Variants in SMYD3 observed in about 807,000 individuals in gnomAD.
The protein encoded by SMYD3 is SET and MYND domain containing 3.
Under a neutral mutation model 57.7 loss-of-function variants are expected in SMYD3, and 36 were observed. The ratio of observed to expected loss-of-function variants is 0.62; its 90% CI spans 0.48 to 0.82. The LOEUF (loss-of-function observed/expected upper bound fraction) is 0.82, where lower values mean the gene tolerates loss of function less well. Among genes scored for constraint, SMYD3 ranks in the 40% least tolerant of loss-of-function variants. The pLI, the probability that SMYD3 is intolerant of heterozygous loss-of-function variation, is 0.00. For missense variants in SMYD3, 515 were observed against 538.8 expected (o/e 0.96, Z 0.44); for synonymous variants, 211 against 195.0 (o/e 1.08, Z -0.68).
At chr1:246,190,277 T>A (rs2062711829) in intron 5 of SMYD3, among the ~76,000 whole-genome samples, 1 of 151,490 alleles carries the variant, frequency 6.6e-6, no homozygotes, top group Non-Finnish European at 1.5e-5. Flanking sequence ...TACTTAAGAG[T>A]TTTATTTCAG....
At chr1:245,935,272 G>A (rs1304875834) in intron 5 of SMYD3, among the ~76,000 whole-genome samples, 1 of 152,130 alleles carries the variant, frequency 6.6e-6, no homozygotes, top group East Asian at 1.9e-4. Flanking sequence ...CTCAAAAGAA[G>A]ACATATAAAT....
At chr1:246,153,979 C>T (rs2061982577) in intron 5 of SMYD3, among the ~76,000 whole-genome samples, 1 of 152,174 alleles carries the variant, frequency 6.6e-6, no homozygotes. Context: ...GTTCTAATGA[C>T]CTCTTAAATG....
intron 5 of SMYD3, among the ~76,000 whole-genome samples, chr1:246,107,251 C>T (rs1399122143): frequency 6.6e-6 from 1 of 151,204 alleles, no homozygotes; most frequent in Non-Finnish European, 1.5e-5. Context: ...TGCGCCACTG[C>T]ACTCCAGCCT....
chr1:246,105,914 G>A lies in SMYD3; in HGVS notation c.532-175977C>T, dbSNP rs188721407. Among the ~76,000 whole-genome samples the A allele has an allele frequency of 3.2e-4, 48 of 152,252 alleles. No homozygotes were observed. The East Asian group carries it at 9.1e-3, about 29-fold the overall frequency. On this transcript the variant is annotated intron_variant, in intron 5 of 11. Coordinates refer to ENST00000490107, the MANE Select transcript of SMYD3 (RefSeq NM_001167740.2). ...AAACTTGTTTGGCTGCCTCCTTATC[G>A]AAACTTTACAAAACTTTAATTTCAG...
chr1:246,134,805 C>G (rs113488424), intron 5 of SMYD3, among the ~76,000 whole-genome samples: 8,175 of 108,536 alleles, frequency 0.075, 266 homozygotes, highest in Non-Finnish European at 0.12. Flanking sequence ...TCTTCCCCCC[C>G]CTGCCGCTTT....
chr1:246,156,481 A>G (rs2062024725), intron 5 of SMYD3, among the ~76,000 whole-genome samples: 1 of 152,214 alleles, frequency 6.6e-6, no homozygotes, highest in Admixed American at 6.5e-5. Context: ...TCCCCATAAA[A>G]ATAAGTTCTA....
At chr1:246,283,737 T>C (rs781153865) in intron 5 of SMYD3, among the ~76,000 whole-genome samples, 6 of 152,208 alleles carry the variant, frequency 3.9e-5, no homozygotes, top group South Asian at 2.1e-4. Context: ...CCAGAACTTA[T>C]AGCACTCACA....
chr1:246,169,930 T>A (rs2062299649), intron 5 of SMYD3, among the ~76,000 whole-genome samples: 1 of 151,332 alleles, frequency 6.6e-6, no homozygotes, highest in South Asian at 2.1e-4. Context: ...CAGCAAGAAA[T>A]CTTCAGTCTA....
At chr1:246,186,623 G>A in intron 5 of SMYD3, 1 of 409,310 alleles carries the variant, frequency 2.4e-6, no homozygotes, top group Non-Finnish European at 3.3e-6. Context: ...CTCAGAAAAA[G>A]ACCCAAGTTC....
At chr1:246,269,310 G>C (rs1050139136) in intron 5 of SMYD3, among the ~76,000 whole-genome samples, 3 of 152,140 alleles carry the variant, frequency 2.0e-5, no homozygotes, top group Non-Finnish European at 4.4e-5. Context: ...CGGCTTCTAA[G>C]TTATCACTTT....
intron 5 of SMYD3, among the ~76,000 whole-genome samples, chr1:246,071,799 A>T (rs2060451651): frequency 6.9e-6 from 1 of 143,978 alleles, no homozygotes. Context: ...CTGGGGAGGG[A>T]TTCGTGTGCT....
intron 1 of SMYD3, among the ~76,000 whole-genome samples, chr1:246,385,323 T>A (rs61841323): frequency 0.42 from 63,630 of 151,932 alleles, 13,669 homozygotes; most frequent in Admixed American, 0.51. Context: ...TATGCCCATT[T>A]CCTAAGTATA....
chr1:246,306,927 C>T (rs2064989501), intron 5 of SMYD3, among the ~76,000 whole-genome samples: 1 of 151,408 alleles, frequency 6.6e-6, no homozygotes, highest in Admixed American at 6.6e-5. Flanking sequence ...AATGACCTGA[C>T]ATCAAGTCAG....
intron 2 of SMYD3, among the ~76,000 whole-genome samples, chr1:246,347,239 G>C (rs1212552388): frequency 6.6e-6 from 1 of 152,062 alleles, no homozygotes; most frequent in Non-Finnish European, 1.5e-5. Flanking sequence ...GAAGAATAAA[G>C]AGAGAATGGA....
chr1:245,917,689 T>C (rs2055542038), intron 7 of SMYD3, among the ~76,000 whole-genome samples: 2 of 152,228 alleles, frequency 1.3e-5, no homozygotes, highest in Admixed American at 1.3e-4. Context: ...TTCCCTTACC[T>C]GCTCTAGTTT....
intron 5 of SMYD3, among the ~76,000 whole-genome samples, chr1:246,310,877 C>T (rs1486644474): frequency 6.6e-6 from 1 of 151,890 alleles, no homozygotes; most frequent in Non-Finnish European, 1.5e-5. Flanking sequence ...ACCATGTTGG[C>T]CAGGCTGGTC....
In SMYD3 at chr1:246,355,297, C is replaced by T; in HGVS notation, c.165-203G>A. On this transcript the variant is annotated intron_variant, in intron 1 of 11. Coordinates refer to ENST00000490107, the MANE Select transcript of SMYD3 (RefSeq NM_001167740.2). The surrounding 1 kb of genome is among the most constrained non-coding windows in gnomAD (Gnocchi z 5.0). ...GAGACACTGATAGAAAAACTAAGTCCTTTTGTCTGACAGAAGATGGCGGGG... is the reference window on the plus strand; with the variant it reads ...GAGACACTGATAGAAAAACTAAGTCTTTTTGTCTGACAGAAGATGGCGGGG... 1.8e-6 allele frequency: 1 copy of T among 546,522 alleles called. No homozygotes were observed. The allele number at this position is 546,522 out of a possible 1,614,324, so 33.9% of individuals were successfully genotyped here. A position where few individuals can be genotyped will look rare whatever the true frequency, so the allele number is the denominator to read the frequency against.
chr1:245,771,733 T>G (rs2148091181), intron 10 of SMYD3, among the ~76,000 whole-genome samples: 1 of 152,336 alleles, frequency 6.6e-6, no homozygotes, highest in African/African-American at 2.4e-5. Flanking sequence ...TGATGTTCCT[T>G]AGGCTCTGTT....
chr1:246,391,406 GAAAGAGAGAGAA>G (rs2066566169), intron 1 of SMYD3, among the ~76,000 whole-genome samples: 2 of 41,564 alleles, frequency 4.8e-5, no homozygotes, highest in Non-Finnish European at 1.0e-4. Flanking sequence ...GAGAGAGAGA[GAAAGAGAGAGAA>G]AAAGAGAGAG....
Sources: allele counts gnomAD v4.1 joint callset (sites outside exome capture counted in the v4.1 genomes callset), GRCh38; gene constraint gnomAD v4.1.1; non-coding constraint Gnocchi (gnomAD v3.1); transcripts MANE v1.5; gene names NCBI Gene and HGNC (gene_info 2026-07-23, HGNC 2026-07-21).